JAM3: variants seen among roughly 807,000 people sequenced by gnomAD.
The protein encoded by JAM3 is junctional adhesion molecule 3.
A neutral mutation model predicts 39.4 loss-of-function variants in JAM3; 31 were observed. The observed-to-expected ratio is 0.79, with a 90% CI of 0.59 to 1.06. The LOEUF (loss-of-function observed/expected upper bound fraction) is 1.06, where lower values mean the gene tolerates loss of function less well. JAM3 is among the 50% of genes least tolerant of loss of function. The probability of loss-of-function intolerance (pLI) is 0.00; values close to 1 mark genes in which losing one functional copy is unlikely to be tolerated. For synonymous variants in JAM3, 182 were observed against 148.7 expected (o/e 1.22, Z -1.63); for missense variants, 455 against 391.4 (o/e 1.16, Z -1.37).
At position 134,150,065 on chromosome 11, in the gene JAM3, G is replaced by A. The variant is rs1206320972; in HGVS notation, c.*884G>A. On this transcript the variant is annotated 3_prime_UTR_variant, in exon 9 of 9. Transcript: ENST00000299106. ...TTAAGGTAGAAGTTCCAAGCTACTAGTGTTAAATTGGAAAATATCAATAAT... is the reference window on the plus strand; with the variant it reads ...TTAAGGTAGAAGTTCCAAGCTACTAATGTTAAATTGGAAAATATCAATAAT... The A allele has an allele frequency of 1.9e-5, 3 of 155,770 alleles. No homozygotes were observed. The highest frequency in any genetic ancestry group is 4.3e-5 in the Non-Finnish European group (3 of 70,534). 9.6% of individuals were successfully genotyped at this position (155,770 alleles called of 1,614,324 possible).
At chr11:134,089,106 G>GA (rs1433578291) in intron 1 of JAM3, among the ~76,000 whole-genome samples, 1 of 152,178 alleles carries the variant, frequency 6.6e-6, no homozygotes, top group East Asian at 1.9e-4. Flanking sequence ...ATCTCGAATT[G>GA]AATGTCTGTT....
intron 1 of JAM3, among the ~76,000 whole-genome samples, chr11:134,083,661 TA>T (rs202019336): frequency 9.3e-5 from 14 of 150,760 alleles, no homozygotes; most frequent in Non-Finnish European, 1.8e-4. Flanking sequence ...TAGCTCACAT[TA>T]AAAAAAAACA....
intron 1 of JAM3, among the ~76,000 whole-genome samples, chr11:134,137,188 G>A (rs866013210): frequency 2.0e-5 from 3 of 151,884 alleles, no homozygotes; most frequent in African/African-American, 4.8e-5. Context: ...AAGAAGTGAC[G>A]ATTGCCATTA....
intron 1 of JAM3, among the ~76,000 whole-genome samples, chr11:134,095,777 CT>C (rs1425740585): frequency 6.6e-6 from 1 of 152,148 alleles, no homozygotes; most frequent in Non-Finnish European, 1.5e-5. Context: ...ATAGGGGCTA[CT>C]TTTTCGCCAT....
chr11:134,079,260 TA>T (rs1461784710), intron 1 of JAM3, among the ~76,000 whole-genome samples: 1 of 152,182 alleles, frequency 6.6e-6, no homozygotes. Context: ...ATCATTAACT[TA>T]AACTTTGGAG....
rs556576740 is a variant in JAM3 at position 134,124,698 on chromosome 11, A to T, written c.77-15153A>T. 2.6e-5 allele frequency among the ~76,000 whole-genome samples: 4 copies of T among 152,284 alleles called. No homozygotes were observed. In the East Asian group the frequency reaches 7.7e-4, roughly 29 times the overall value. ...GATGCCTAATTTTACTGGAGTCATT[A>T]AAAGAAATATGCTTGCAATTAAAAA... On this transcript the variant is annotated intron_variant, in intron 1 of 8. Transcript: ENST00000299106.
intron 1 of JAM3, 44 bp from the exon 2 acceptor site, chr11:134,139,807 T>C: frequency 6.6e-7 from 1 of 1,506,144 alleles, no homozygotes; most frequent in Non-Finnish European, 9.2e-7. Context: ...TTCTCTGCCG[T>C]TTGAGATACA....
intron 1 of JAM3, among the ~76,000 whole-genome samples, chr11:134,108,387 A>T (rs1030149795): frequency 6.6e-6 from 1 of 152,098 alleles, no homozygotes; most frequent in Non-Finnish European, 1.5e-5. Context: ...TTCTAACGAA[A>T]CTCTTCCAAC....
chr11:134,145,789 A>G (rs987420743), intron 5 of JAM3, among the ~76,000 whole-genome samples, 157 bp from the exon 6 acceptor site: 4 of 152,192 alleles, frequency 2.6e-5, no homozygotes, highest in African/African-American at 9.6e-5. Flanking sequence ...GCTGTCAGGC[A>G]GGTATCAGGG....
chr11:134,092,008 G>A (rs1313785204), intron 1 of JAM3, among the ~76,000 whole-genome samples: 2 of 152,122 alleles, frequency 1.3e-5, no homozygotes, highest in Non-Finnish European at 1.5e-5. Flanking sequence ...AAAAATAATT[G>A]AGTTCGTACT....
intron 1 of JAM3, among the ~76,000 whole-genome samples, chr11:134,096,413 G>A (rs1488791517): frequency 2.6e-5 from 4 of 152,220 alleles, no homozygotes; most frequent in Admixed American, 2.0e-4. Context: ...TGGCACCATG[G>A]ATCTGGTTGA....
At chr11:134,071,321 TC>T (rs1941481962) in intron 1 of JAM3, among the ~76,000 whole-genome samples, 1 of 152,240 alleles carries the variant, frequency 6.6e-6, no homozygotes, top group Non-Finnish European at 1.5e-5. Context: ...GGGAGTGTTA[TC>T]CTGTGCGTTT....
chr11:134,123,816 A>G lies in JAM3; in HGVS notation c.77-16035A>G, dbSNP rs114227898. ...CACAATCAAGTGAGCCTTCATTTACATTTCTTTCTACTGAACACAGCAGTG... is the reference window on the plus strand; with the variant it reads ...CACAATCAAGTGAGCCTTCATTTACGTTTCTTTCTACTGAACACAGCAGTG... On this transcript the variant is annotated intron_variant, in intron 1 of 8. Coordinates refer to ENST00000299106, the MANE Select transcript of JAM3 (RefSeq NM_032801.5). 1.6e-3 allele frequency: 1,242 copies of G among 760,418 alleles called. 7 individuals are homozygous for G. The African/African-American group carries it at 0.019, about 12-fold the overall frequency. The allele number at this position is 760,418 out of a possible 1,614,324, so 47.1% of individuals were successfully genotyped here. A position where few individuals can be genotyped will look rare whatever the true frequency, so the allele number is the denominator to read the frequency against.
Position 134,149,259 on chromosome 11 carries a change from G to A in JAM3, c.*78G>A, listed in dbSNP as rs1007950580. On this transcript the variant is annotated 3_prime_UTR_variant, in exon 9 of 9. Coordinates refer to ENST00000299106, the MANE Select transcript of JAM3 (RefSeq NM_032801.5). ...AGAAACTCCTGTCAAGGCAGCGAGA[G>A]CTGATGCACTCGGACAGAGCTAGAC... 1 of 1,558,738 alleles carries A rather than the reference G, an allele frequency of 6.4e-7. No homozygotes were observed.
At chr11:134,119,049 G>A (rs1318400431) in intron 1 of JAM3, among the ~76,000 whole-genome samples, 1 of 150,160 alleles carries the variant, frequency 6.7e-6, no homozygotes, top group Non-Finnish European at 1.5e-5. Flanking sequence ...ACTCACTGCA[G>A]CCTTTACCTC....
intron 1 of JAM3, among the ~76,000 whole-genome samples, chr11:134,125,032 C>T (rs1045913115): frequency 1.4e-4 from 21 of 152,336 alleles, no homozygotes; most frequent in Admixed American, 1.3e-3. Context: ...CCGGTGGCGG[C>T]GGCGCGTCTC....
chr11:134,144,318 C>A lies in JAM3; in HGVS notation c.334C>A (p.Leu112Ile). Residue 112 changes from leucine (L) to isoleucine (I), a missense_variant, in exon 4 of 9, where the codon CTT becomes ATT. By Grantham distance (5) the Leu-to-Ile change is conservative. Transcript: ENST00000299106. ...IWNVTRRDSA[L>I]YRCEVVARND... ...GAATGTGACACGGAGAGACTCAGCC[C>A]TTTATCGCTGTGAGGTCGTTGCTCG... The A allele has an allele frequency of 6.2e-7, 1 of 1,614,186 alleles. No homozygotes were observed. The highest frequency in any genetic ancestry group is 8.5e-7 in the Non-Finnish European group (1 of 1,180,040).
At chr11:134,144,545 G>T in intron 4 of JAM3, 152 bp downstream of exon 4, 3 of 1,012,330 alleles carry the variant, frequency 3.0e-6, no homozygotes, top group Admixed American at 1.8e-5. Context: ...GCCTGAGTTG[G>T]GGTAGAAGGT....
Position 134,149,757 on chromosome 11 carries a change from C to T in JAM3, c.*576C>T, listed in dbSNP as rs1038011539. The stretch of plus-strand genomic sequence containing the variant: ...TTTTTGGATCAGCATTTTGTAAAAA[C>T]AACCAAAATCAGGAAGGTAAATTGG... On this transcript the variant is annotated 3_prime_UTR_variant, in exon 9 of 9. Transcript: ENST00000299106. 1.1e-5 allele frequency: 5 copies of T among 435,988 alleles called. No homozygotes were observed. The East Asian group carries it at 3.6e-4, about 31-fold the overall frequency. 27.0% of individuals were successfully genotyped at this position (435,988 alleles called of 1,614,324 possible). A position where few individuals can be genotyped will look rare whatever the true frequency, so the allele number is the denominator to read the frequency against.
Sources: gnomAD v4.1 joint callset for allele counts (sites outside exome capture counted in the v4.1 genomes callset) on GRCh38, gnomAD v4.1.1 for gene constraint, MANE v1.5 for transcripts, NCBI Gene and HGNC (gene_info 2026-07-23, HGNC 2026-07-21) for gene names.